Variants in LCP1 observed in about 807,000 individuals in gnomAD.
LCP1 encodes the protein plastin-2.
Under a neutral mutation model 72.0 loss-of-function variants are expected in LCP1, and 23 were observed. The ratio of observed to expected loss-of-function variants is 0.32; its 90% CI spans 0.23 to 0.45. The LOEUF is 0.45. LCP1 is among the 20% of genes least tolerant of loss of function. The pLI is 1.00. For missense variants in LCP1, 571 were observed against 748.3 expected, an observed-to-expected ratio of 0.76 and a Z score of 2.76; for synonymous variants, 245 against 275.4, an observed-to-expected ratio of 0.89 and a Z score of 1.09.
intron 1 of LCP1, among the ~76,000 whole-genome samples, chr13:46,179,643 TAAA>T (rs906845400): frequency 6.6e-6 from 1 of 151,002 alleles, no homozygotes; most frequent in African/African-American, 2.4e-5. Context: ...GTTTTAAAAA[TAAA>T]GAAGAATGCA....
In LCP1 at chr13:46,173,199, G is replaced by A. The variant is rs928785898; in HGVS notation, c.-25+8912C>T. On this transcript the variant is annotated intron_variant, in intron 1 of 15. Transcript: ENST00000323076. The stretch of plus-strand genomic sequence containing the variant: ...TTTTAAAATGAATCAACTAGGCAGT[G>A]ACATGGTATGGTGAAATGCTGAATT... Among the ~76,000 whole-genome samples the A allele has an allele frequency of 2.0e-5, 3 of 152,198 alleles. No homozygotes were observed. The East Asian group carries it at 5.8e-4, about 29-fold the overall frequency.
At chr13:46,141,960 T>C (rs182615986) in intron 13 of LCP1, among the ~76,000 whole-genome samples, 95 of 152,318 alleles carry the variant, frequency 6.2e-4, no homozygotes, top group African/African-American at 2.2e-3. Flanking sequence ...TAGTAGCTAT[T>C]ATCTATTAAT....
In LCP1 at chr13:46,148,346, C is replaced by G. The variant is rs774063301; in HGVS notation, c.978+6G>C. 6.2e-7 allele frequency: 1 copy of G among 1,605,798 alleles called. No homozygotes were observed. Among genetic ancestry groups the G allele is most frequent in the Non-Finnish European group, 8.5e-7 (1 of 1,173,194 alleles). On this transcript the variant is annotated splice_donor_region_variant and intron_variant, in intron 9 of 15. Transcript: ENST00000323076. ...TTCTCCAAACACAACTGGGACCTGG[C>G]CTTACCCGCAGTCCTGACATGTCAA...
chr13:46,142,456 G>A (rs1217334357), intron 12 of LCP1, 31 bp from the exon 13 acceptor site: 8 of 1,604,396 alleles, frequency 5.0e-6, no homozygotes, highest in Non-Finnish European at 5.1e-6. Context: ...ACGATTTAAC[G>A]TCATCATCTT....
chr13:46,135,640 C>T (rs1481486380), intron 13 of LCP1, among the ~76,000 whole-genome samples: 1 of 152,110 alleles, frequency 6.6e-6, no homozygotes, highest in East Asian at 1.9e-4. Flanking sequence ...CAGTGATGTC[C>T]TATCAATTAC....
At chr13:46,163,790 G>A (rs994009135) in intron 1 of LCP1, among the ~76,000 whole-genome samples, 5 of 152,124 alleles carry the variant, frequency 3.3e-5, no homozygotes, top group African/African-American at 1.2e-4. Context: ...CTGTTTTAAG[G>A]AATTAGTATA....
chr13:46,157,129 T>C (rs775094898), intron 4 of LCP1, among the ~76,000 whole-genome samples: 3 of 151,772 alleles, frequency 2.0e-5, no homozygotes, highest in African/African-American at 2.4e-5. Flanking sequence ...CAAAACTATC[T>C]CTCTGTTCCT....
intron 11 of LCP1, among the ~76,000 whole-genome samples, 160 bp from the exon 12 acceptor site, chr13:46,143,564 C>T (rs1205985309): frequency 2.6e-5 from 4 of 152,196 alleles, no homozygotes; most frequent in Non-Finnish European, 5.9e-5. Context: ...GAAACCATGA[C>T]TCAGAGAGAT....
In LCP1 at chr13:46,126,790, A is replaced by G; in HGVS notation, c.*801T>C. 1 of 231,088 alleles carries G rather than the reference A, an allele frequency of 4.3e-6. No homozygotes were observed. The highest frequency in any genetic ancestry group is 8.6e-6 in the Non-Finnish European group (1 of 116,718). 14.3% of individuals were successfully genotyped at this position (231,088 alleles called of 1,614,324 possible). A position where few individuals can be genotyped will look rare whatever the true frequency, so the allele number is the denominator to read the frequency against. The stretch of plus-strand genomic sequence containing the variant: ...ACACCCTCCTTGGATCCAACCTTCC[A>G]TTAAGGCTGAAGGCTCTAGAGGGCA... On this transcript the variant is annotated 3_prime_UTR_variant, in exon 16 of 16. Coordinates refer to ENST00000323076, the MANE Select transcript of LCP1 (RefSeq NM_002298.5).
At chr13:46,158,687 A>C in intron 3 of LCP1, 36 bp from the exon 4 acceptor site, 1 of 1,613,058 alleles carries the variant, frequency 6.2e-7, no homozygotes, top group Admixed American at 1.7e-5. Context: ...AAACTCAAGC[A>C]GTGATCAAGA....
chr13:46,161,649 G>A (rs1221863514), intron 1 of LCP1, among the ~76,000 whole-genome samples: 1 of 151,648 alleles, frequency 6.6e-6, no homozygotes, highest in Non-Finnish European at 1.5e-5. Flanking sequence ...AAAATAATTT[G>A]AGCTAAGTTA....
intron 1 of LCP1, among the ~76,000 whole-genome samples, chr13:46,170,545 T>C (rs1197763493): frequency 6.6e-6 from 1 of 152,140 alleles, no homozygotes; most frequent in African/African-American, 2.4e-5. Flanking sequence ...GACAGAGCAG[T>C]GACTGAATGA....
chr13:46,131,171 A>C (rs1330665092), intron 14 of LCP1, among the ~76,000 whole-genome samples: 1 of 152,236 alleles, frequency 6.6e-6, no homozygotes, highest in Admixed American at 6.5e-5. Context: ...CTCAAATAAT[A>C]AATGGAAGGA....
intron 1 of LCP1, among the ~76,000 whole-genome samples, chr13:46,163,248 T>C (rs1472544549): frequency 6.6e-6 from 1 of 152,232 alleles, no homozygotes; most frequent in African/African-American, 2.4e-5. Context: ...TGTGTCTGTG[T>C]AGAAAGAAGT....
At chr13:46,141,637 GA>G in intron 13 of LCP1, among the ~76,000 whole-genome samples, 1 of 151,954 alleles carries the variant, frequency 6.6e-6, no homozygotes, top group Non-Finnish European at 1.5e-5. Context: ...TGCACTCAGA[GA>G]AAAAAATATT....
chr13:46,127,790 G>A, intron 15 of LCP1, 67 bp from the exon 16 acceptor site: 2 of 1,581,174 alleles, frequency 1.3e-6, no homozygotes, highest in Non-Finnish European at 1.7e-6. Context: ...GACCCTGGAG[G>A]GTCACAGTCA....
At chr13:46,150,882 C>G in intron 8 of LCP1, 54 bp downstream of exon 8, 2 of 1,564,156 alleles carry the variant, frequency 1.3e-6, no homozygotes, top group Non-Finnish European at 1.7e-6. Flanking sequence ...TTATTATTGC[C>G]CAAATTCCCC....
At chr13:46,159,120 G>A (rs1385392433) in intron 2 of LCP1, 131 bp from the exon 3 acceptor site, 5 of 788,260 alleles carry the variant, frequency 6.3e-6, no homozygotes, top group Admixed American at 2.3e-5. Context: ...ATGATCCCAG[G>A]GAAGAGTCAG....
At chr13:46,159,526 T>C in intron 2 of LCP1, 73 bp downstream of exon 2, 7 of 1,249,950 alleles carry the variant, frequency 5.6e-6, no homozygotes, top group Non-Finnish European at 5.8e-6. Flanking sequence ...CATGTTCCCA[T>C]TTCATTGAAT....
Sources: allele counts gnomAD v4.1 joint callset (sites outside exome capture counted in the v4.1 genomes callset), GRCh38; gene constraint gnomAD v4.1.1; transcripts MANE v1.5; gene names NCBI Gene and HGNC (gene_info 2026-07-23, HGNC 2026-07-21).